The following SHANK2 variants were observed in gnomAD, a reference collection of about 807,000 sequenced individuals.
SHANK2 encodes SH3 and multiple ankyrin repeat domains protein 2.
In SHANK2, 43 loss-of-function variants were observed where a neutral mutation model predicts 133.7. That is an observed-to-expected ratio of 0.32 (90% CI 0.25 to 0.41). The LOEUF (loss-of-function observed/expected upper bound fraction) is 0.41, where lower values mean the gene tolerates loss of function less well. Among genes scored for constraint, SHANK2 ranks in the 10% least tolerant of loss-of-function variants. The pLI is 1.00. For missense variants in SHANK2, 1,994 were observed against 2,235.8 expected (o/e 0.89, Z 2.18); for synonymous variants, 1,017 against 952.8 (o/e 1.07, Z -1.24).
chr11:70,541,448 C>A (rs2059620715), intron 17 of SHANK2, among the ~76,000 whole-genome samples: 1 of 152,208 alleles, frequency 6.6e-6, no homozygotes, highest in Non-Finnish European at 1.5e-5. Flanking sequence ...TGGCCAGTCA[C>A]CTCTGCAGGT....
intron 15 of SHANK2, among the ~76,000 whole-genome samples, chr11:70,684,613 C>T (rs983940813): frequency 6.6e-5 from 10 of 152,084 alleles, no homozygotes; most frequent in African/African-American, 1.2e-4. Context: ...TAGGAGAATC[C>T]GGTTTGGTAT....
intron 17 of SHANK2, among the ~76,000 whole-genome samples, chr11:70,543,564 TG>T (rs2059650554): frequency 6.6e-6 from 1 of 152,066 alleles, no homozygotes; most frequent in Non-Finnish European, 1.5e-5. Flanking sequence ...TCCTTGGGGG[TG>T]GCGTGCCTGG....
At chr11:71,129,648 C>T (rs1167151502) in intron 3 of SHANK2, among the ~76,000 whole-genome samples, 2 of 151,906 alleles carry the variant, frequency 1.3e-5, no homozygotes, top group Non-Finnish European at 2.9e-5. Context: ...TGACTCAAAA[C>T]AAAACAAAAG....
At chr11:70,652,613 C>A (rs782644409) in intron 17 of SHANK2, among the ~76,000 whole-genome samples, 29 of 151,932 alleles carry the variant, frequency 1.9e-4, no homozygotes, top group Middle Eastern at 3.4e-3. Context: ...AGTTTGAGAC[C>A]AGCCCAGGCA....
At chr11:71,145,830 AGCACTGG>A (rs1952632798) in intron 3 of SHANK2, among the ~76,000 whole-genome samples, 1 of 152,088 alleles carries the variant, frequency 6.6e-6, no homozygotes, top group East Asian at 1.9e-4. Flanking sequence ...GTGGATGCAG[AGCACTGG>A]GCTTACCCCC....
intron 17 of SHANK2, among the ~76,000 whole-genome samples, chr11:70,585,547 C>G (rs1554986514): frequency 6.6e-6 from 1 of 152,182 alleles, no homozygotes; most frequent in East Asian, 1.9e-4. Context: ...TTGCTTTTAT[C>G]CAGACATCCA....
chr11:70,722,423 C>T (rs1357995967), intron 14 of SHANK2, among the ~76,000 whole-genome samples: 1 of 152,258 alleles, frequency 6.6e-6, no homozygotes, highest in Non-Finnish European at 1.5e-5. Flanking sequence ...TCACCTGTCC[C>T]TTTCTGCTCC....
intron 11 of SHANK2, among the ~76,000 whole-genome samples, chr11:70,843,124 C>T (rs1185316880): frequency 1.3e-5 from 2 of 151,996 alleles, no homozygotes; most frequent in African/African-American, 4.8e-5. Flanking sequence ...CTGGAAGGTA[C>T]AGGTTTCAGG....
intron 17 of SHANK2, among the ~76,000 whole-genome samples, chr11:70,557,675 C>T (rs572222443): frequency 1.3e-5 from 2 of 152,212 alleles, no homozygotes; most frequent in Admixed American, 1.3e-4. Context: ...CTCCAAGATT[C>T]CCACAGTCTG....
chr11:71,076,906 G>C (rs935105610), intron 8 of SHANK2, among the ~76,000 whole-genome samples: 12 of 152,226 alleles, frequency 7.9e-5, no homozygotes, highest in African/African-American at 2.9e-4. Flanking sequence ...CCTTCTTCCA[G>C]AGTGGGGAGC....
At chr11:70,952,431 A>T (rs1414661461) in intron 10 of SHANK2, among the ~76,000 whole-genome samples, 1 of 152,194 alleles carries the variant, frequency 6.6e-6, no homozygotes, top group Non-Finnish European at 1.5e-5. Context: ...TCCCAGCTGC[A>T]TTTGCTCCCT....
chr11:70,767,973 C>G (rs1405490396), intron 14 of SHANK2, among the ~76,000 whole-genome samples: 2 of 152,138 alleles, frequency 1.3e-5, no homozygotes, highest in Non-Finnish European at 2.9e-5. Context: ...CTGCCTGACT[C>G]TGCAGGGATC....
intron 14 of SHANK2, among the ~76,000 whole-genome samples, chr11:70,721,775 T>C (rs1381842139): frequency 6.6e-6 from 1 of 152,250 alleles, no homozygotes; most frequent in East Asian, 1.9e-4. Flanking sequence ...GCAGTGTCTT[T>C]TCCTAACCAT....
intron 17 of SHANK2, among the ~76,000 whole-genome samples, chr11:70,618,832 C>T (rs1554996836): frequency 2.0e-5 from 3 of 152,164 alleles, no homozygotes; most frequent in African/African-American, 7.2e-5. Context: ...CGGAAACCAC[C>T]CAAGGCTGGC....
chr11:71,203,524 G>T (rs782588270), intron 2 of SHANK2, among the ~76,000 whole-genome samples: 1 of 152,074 alleles, frequency 6.6e-6, no homozygotes, highest in Non-Finnish European at 1.5e-5. Flanking sequence ...TGCTTGAACT[G>T]GGGAGGCAGA....
At chr11:70,848,252 C>G (rs539906681) in intron 11 of SHANK2, among the ~76,000 whole-genome samples, 1 of 152,312 alleles carries the variant, frequency 6.6e-6, no homozygotes, top group East Asian at 1.9e-4. Flanking sequence ...ATACCAGCAA[C>G]GAGTTCCTAT....
At chr11:71,068,173 A>G (rs897186773) in intron 9 of SHANK2, among the ~76,000 whole-genome samples, 1,707 of 152,310 alleles carry the variant, frequency 0.011, 42 homozygotes, top group African/African-American at 0.04. Flanking sequence ...TGCCATCATC[A>G]TTAGTACCAT....
intron 11 of SHANK2, among the ~76,000 whole-genome samples, chr11:70,860,243 C>T (rs1565366163): frequency 6.6e-6 from 1 of 152,308 alleles, no homozygotes; most frequent in East Asian, 1.9e-4. Flanking sequence ...AGCCCCATGG[C>T]TATGAGTTAC....
At chr11:70,782,350 C>T (rs1455001828) in intron 14 of SHANK2, among the ~76,000 whole-genome samples, 2 of 152,234 alleles carry the variant, frequency 1.3e-5, no homozygotes, top group Non-Finnish European at 2.9e-5. Context: ...AGCCACCGCG[C>T]CCAGCCTTAA....
Sources: gnomAD v4.1 joint callset for allele counts (sites outside exome capture counted in the v4.1 genomes callset) on GRCh38, gnomAD v4.1.1 for gene constraint, MANE v1.5 for transcripts, NCBI Gene and HGNC (gene_info 2026-07-23, HGNC 2026-07-21) for gene names.